Variants in C13orf42 observed in about 807,000 individuals in gnomAD.
The protein encoded by C13orf42 is chromosome 13 open reading frame 42, also known as uncharacterized protein C13orf42.
intron 1 of C13orf42, among the ~76,000 whole-genome samples, chr13:51,145,225 T>G (rs1953725607): frequency 6.6e-6 from 1 of 152,200 alleles, no homozygotes; most frequent in Admixed American, 6.5e-5. Context: ...GCCAGAGAAC[T>G]TAAGCTTCAG....
At chr13:51,155,728 C>T (rs964780709) in intron 1 of C13orf42, among the ~76,000 whole-genome samples, 8 of 152,216 alleles carry the variant, frequency 5.3e-5, no homozygotes, top group African/African-American at 1.9e-4. Flanking sequence ...TATATCTCTT[C>T]CATTCAAAGA....
intron 1 of C13orf42, among the ~76,000 whole-genome samples, chr13:51,094,051 T>C (rs1394810937): frequency 6.6e-6 from 1 of 152,228 alleles, no homozygotes; most frequent in Non-Finnish European, 1.5e-5. Context: ...ATGCTCACAC[T>C]GTCCTGCATT....
intron 1 of C13orf42, among the ~76,000 whole-genome samples, chr13:51,104,612 T>C (rs1239971206): frequency 6.6e-6 from 1 of 152,188 alleles, no homozygotes; most frequent in Non-Finnish European, 1.5e-5. Flanking sequence ...AAAAGTTATG[T>C]TACATTTATT....
intron 1 of C13orf42, among the ~76,000 whole-genome samples, chr13:51,142,983 T>C (rs962943441): frequency 1.3e-5 from 2 of 152,220 alleles, no homozygotes; most frequent in Non-Finnish European, 2.9e-5. Context: ...CAAGTTGTCA[T>C]ATTGTTATTA....
Position 51,111,035 on chromosome 13 carries a change from T to G in C13orf42, c.175A>C (p.Thr59Pro), listed in dbSNP as rs1593537818. Residue 59 changes from threonine to proline, a missense_variant, in exon 1 of 4, where the codon ACC becomes CCC. Thr to Pro is a conservative substitution (Grantham distance 38, BLOSUM62 -1). Coordinates refer to ENST00000563710, the MANE Select transcript of C13orf42 (RefSeq NM_001351589.3). ...FSESLKKYKS[T>P]SSMDTSLYYL... The stretch of plus-strand genomic sequence containing the variant: ...TACAGGCTGGTGTCCATGCTACTGG[T>G]GCTTTTGTACTTCTTTAAGGACTCG... 2.5e-6 allele frequency: 1 copy of G among 398,724 alleles called. No homozygotes were observed. Among genetic ancestry groups the G allele is most frequent in the Non-Finnish European group, 4.4e-6 (1 of 226,146 alleles). 24.7% of individuals were successfully genotyped at this position (398,724 alleles called of 1,614,324 possible). A position where few individuals can be genotyped will look rare whatever the true frequency, so the allele number is the denominator to read the frequency against.
chr13:51,113,592 GTA>G, upstream of C13orf42, among the ~76,000 whole-genome samples: 1 of 144,528 alleles, frequency 6.9e-6, no homozygotes, highest in Non-Finnish European at 1.5e-5. Flanking sequence ...GTGTGTGTGT[GTA>G]CGTGTGTTTG....
chr13:51,164,454 G>A (rs1487610827), intron 1 of C13orf42, among the ~76,000 whole-genome samples: 1 of 152,180 alleles, frequency 6.6e-6, no homozygotes, highest in Non-Finnish European at 1.5e-5. Flanking sequence ...TGGAAGCCAG[G>A]AGTTCAAGAC....
intron 1 of C13orf42, among the ~76,000 whole-genome samples, chr13:51,166,510 G>A (rs557820304): frequency 6.8e-6 from 1 of 147,450 alleles, no homozygotes; most frequent in Non-Finnish European, 1.5e-5. Context: ...GAGTTAGTGG[G>A]TGCAGCACAC....
upstream of C13orf42, among the ~76,000 whole-genome samples, chr13:51,114,367 T>C (rs9568520): frequency 0.37 from 55,716 of 152,078 alleles, 10,588 homozygotes; most frequent in South Asian, 0.49. Context: ...TACTATATCC[T>C]TTGCCCTACA....
rs138306981 is a variant in C13orf42, at chr13:51,101,722, G to C, written c.414+9074C>G. Reference sequence around the variant, plus strand: ...CCTCTGCTCAATGAGCTCACAGTTAGTGGCATAGATAAGCAAAAGAACAGA... The same window carrying C: ...CCTCTGCTCAATGAGCTCACAGTTACTGGCATAGATAAGCAAAAGAACAGA... On this transcript the variant is annotated intron_variant, in intron 1 of 3. Transcript: ENST00000563710. Among the ~76,000 whole-genome samples the C allele has an allele frequency of 3.7e-3, 565 of 152,322 alleles. 2 individuals are homozygous for C. The highest frequency in any genetic ancestry group is 0.013 in the African/African-American group (541 of 41,576).
chr13:51,084,446 CT>C (rs1469457102), intron 3 of C13orf42, 121 bp from the exon 4 acceptor site: 1 of 396,322 alleles, frequency 2.5e-6, no homozygotes, highest in African/African-American at 2.1e-5. Context: ...AGTCCTGGGT[CT>C]TGGGGAGGAC....
chr13:51,122,249 T>C (rs111244605), intron 1 of C13orf42, among the ~76,000 whole-genome samples: 15,335 of 151,988 alleles, frequency 0.1, 902 homozygotes, highest in African/African-American at 0.16. Flanking sequence ...AAAGAAAGCA[T>C]TGGGCTGGGC....
At position 51,157,638 on chromosome 13, in the gene C13orf42, C is replaced by T. The variant is rs1381587848; in HGVS notation, n.136+14615G>A. On this transcript the variant is annotated intron_variant and non_coding_transcript_variant, in intron 1 of 4. Coordinates refer to the C13orf42 transcript ENST00000433280. ...AGGTGAGTGAGCTATTTGTGGCCAG[C>T]GAGCCTTTGTTGAAACCCCCTTTGT... Among the ~76,000 whole-genome samples, 7 of 151,922 alleles carry T rather than the reference C, an allele frequency of 4.6e-5. No homozygotes were observed. The East Asian group carries it at 1.4e-3, about 29-fold the overall frequency.
At chr13:51,109,156 C>T (rs1566128313) in intron 1 of C13orf42, among the ~76,000 whole-genome samples, 1 of 152,198 alleles carries the variant, frequency 6.6e-6, no homozygotes, top group Non-Finnish European at 1.5e-5. Context: ...GACTAGGACC[C>T]TTTTTTATGG....
chr13:51,141,098 GTGTGT>G (rs1953692869), intron 1 of C13orf42, among the ~76,000 whole-genome samples: 1 of 76,408 alleles, frequency 1.3e-5, no homozygotes, highest in Non-Finnish European at 2.7e-5. Context: ...GAAGGGAGGT[GTGTGT>G]GTGTGTGTGT....
chr13:51,113,566 TTGTGTGTGTG>T (rs3990095), upstream of C13orf42, among the ~76,000 whole-genome samples: 4 of 148,006 alleles, frequency 2.7e-5, no homozygotes, highest in East Asian at 4.0e-4. Flanking sequence ...AAAGTGTATT[TTGTGTGTGTG>T]TGTGTGTGTG....
At chr13:51,110,050 G>T (rs1953409876) in intron 1 of C13orf42, among the ~76,000 whole-genome samples, 1 of 152,136 alleles carries the variant, frequency 6.6e-6, no homozygotes, top group South Asian at 2.1e-4. Context: ...AAGCCATCCG[G>T]GAATCTCCCA....
intron 1 of C13orf42, among the ~76,000 whole-genome samples, chr13:51,165,831 T>A (rs1953898378): frequency 6.6e-6 from 1 of 152,226 alleles, no homozygotes; most frequent in Non-Finnish European, 1.5e-5. Context: ...AGTAATCATA[T>A]TTTCTGGAAA....
At chr13:51,103,569 T>C (rs1238526821) in intron 1 of C13orf42, among the ~76,000 whole-genome samples, 2 of 152,052 alleles carry the variant, frequency 1.3e-5, no homozygotes, top group African/African-American at 2.4e-5. Context: ...GGTGTGGTGG[T>C]GAGCGCCTGT....
Sources: allele counts gnomAD v4.1 joint callset (sites outside exome capture counted in the v4.1 genomes callset), GRCh38; gene constraint gnomAD v4.1.1; transcripts MANE v1.5; gene names NCBI Gene and HGNC (gene_info 2026-07-23, HGNC 2026-07-21).